CNTNAP4: variants seen among roughly 807,000 people sequenced by gnomAD.
CNTNAP4 encodes the protein contactin-associated protein-like 4.
In CNTNAP4, 98 loss-of-function variants were observed where a neutral mutation model predicts 148.4. The observed-to-expected ratio is 0.66, with a 90% confidence interval of 0.56 to 0.78. The LOEUF (loss-of-function observed/expected upper bound fraction) is 0.78, where lower values mean the gene tolerates loss of function less well. Ranked by LOEUF, CNTNAP4 falls within the 30% of genes least tolerant of loss-of-function variation. The pLI is 0.00. For missense variants in CNTNAP4, 1,935 were observed against 1,565.6 expected (o/e 1.24, Z -3.98); for synonymous variants, 730 against 565.1 (o/e 1.29, Z -4.14).
chr16:76,283,551 C>T (rs1318303870), intron 1 of CNTNAP4, among the ~76,000 whole-genome samples: 1 of 151,850 alleles, frequency 6.6e-6, no homozygotes, highest in East Asian at 1.9e-4. Flanking sequence ...GGCAAACTAA[C>T]AAGGGAACAG....
chr16:76,405,422 G>T (rs2078568936), intron 3 of CNTNAP4, among the ~76,000 whole-genome samples: 1 of 152,254 alleles, frequency 6.6e-6, no homozygotes, highest in South Asian at 2.1e-4. Context: ...CCATGCAATG[G>T]AAAATTCATG....
chr16:76,364,048 C>G (rs1156799758), intron 3 of CNTNAP4, among the ~76,000 whole-genome samples: 1 of 151,638 alleles, frequency 6.6e-6, no homozygotes, highest in Non-Finnish European at 1.5e-5. Context: ...ACCACCCTAG[C>G]CAGTATGGTA....
At chr16:76,328,679 C>T (rs954871587) in intron 2 of CNTNAP4, among the ~76,000 whole-genome samples, 6 of 151,556 alleles carry the variant, frequency 4.0e-5, no homozygotes, top group Non-Finnish European at 7.4e-5. Flanking sequence ...GAGGTTTGCT[C>T]TTGTTTCCCA....
At chr16:76,328,945 G>A (rs746439510) in intron 2 of CNTNAP4, among the ~76,000 whole-genome samples, 5 of 152,184 alleles carry the variant, frequency 3.3e-5, no homozygotes, top group Admixed American at 6.5e-5. Flanking sequence ...CACCTGTAAG[G>A]TATTAATAGG....
intron 14 of CNTNAP4, among the ~76,000 whole-genome samples, chr16:76,496,801 C>T (rs1387010394): frequency 6.6e-6 from 1 of 152,128 alleles, no homozygotes; most frequent in Non-Finnish European, 1.5e-5. Context: ...AAAAAGAGTA[C>T]ATTTTCATCT....
chr16:76,287,024 C>A (rs902816942), intron 1 of CNTNAP4, among the ~76,000 whole-genome samples: 1 of 152,140 alleles, frequency 6.6e-6, no homozygotes, highest in Non-Finnish European at 1.5e-5. Flanking sequence ...TTTAACATGA[C>A]AACTGTGTCA....
intron 3 of CNTNAP4, among the ~76,000 whole-genome samples, chr16:76,377,062 T>C (rs1329066190): frequency 2.0e-5 from 3 of 152,046 alleles, no homozygotes; most frequent in African/African-American, 7.3e-5. Flanking sequence ...CAGGGTAGGC[T>C]GGCAGGCTTA....
At chr16:76,370,969 GC>G (rs11343256) in intron 3 of CNTNAP4, among the ~76,000 whole-genome samples, 77,584 of 151,888 alleles carry the variant, frequency 0.51, 20,471 homozygotes, top group African/African-American at 0.62. Context: ...GGCAAAGCTA[GC>G]CAAGAACAGT....
At chr16:76,369,139 A>G (rs866678343) in intron 3 of CNTNAP4, among the ~76,000 whole-genome samples, 3 of 152,136 alleles carry the variant, frequency 2.0e-5, no homozygotes, top group Non-Finnish European at 4.4e-5. Context: ...ACCTCATTCA[A>G]AATAGAAATA....
chr16:76,340,236 G>A (rs1035716322), intron 2 of CNTNAP4, among the ~76,000 whole-genome samples: 5 of 152,030 alleles, frequency 3.3e-5, no homozygotes, highest in South Asian at 4.1e-4. Context: ...GGAAGGGAAG[G>A]CCATGAAGCA....
chr16:76,333,790 T>G (rs1199309031), intron 2 of CNTNAP4, among the ~76,000 whole-genome samples: 1 of 147,658 alleles, frequency 6.8e-6, no homozygotes, highest in Non-Finnish European at 1.5e-5. Flanking sequence ...TTTTTTTTTT[T>G]TTTTTTTTTT....
intron 1 of CNTNAP4, among the ~76,000 whole-genome samples, chr16:76,308,893 T>C (rs998377815): frequency 6.6e-6 from 1 of 151,988 alleles, no homozygotes; most frequent in Non-Finnish European, 1.5e-5. Context: ...GGTGCGATCA[T>C]AGCTCAGGGC....
At chr16:76,545,959 C>G (rs866108310) in intron 21 of CNTNAP4, among the ~76,000 whole-genome samples, 29 of 151,750 alleles carry the variant, frequency 1.9e-4, no homozygotes, top group Middle Eastern at 3.4e-3. Context: ...CGCTTGAACC[C>G]GAGAGGCGGA....
chr16:76,353,809 T>C (rs1431762927), intron 2 of CNTNAP4, among the ~76,000 whole-genome samples: 1 of 152,186 alleles, frequency 6.6e-6, no homozygotes, highest in Non-Finnish European at 1.5e-5. Flanking sequence ...AGTATCATTA[T>C]GCTGTGTTCC....
chr16:76,381,814 A>G (rs1382852740), intron 3 of CNTNAP4, among the ~76,000 whole-genome samples: 1 of 152,178 alleles, frequency 6.6e-6, no homozygotes, highest in Non-Finnish European at 1.5e-5. Flanking sequence ...TAATCCCAGG[A>G]CTTTGGGAGG....
rs543555952 is a variant in CNTNAP4 at position 76,468,926 on chromosome 16, C to G, written c.1655+1403C>G. Among the ~76,000 whole-genome samples the G allele has an allele frequency of 4.6e-5, 7 of 152,210 alleles. No homozygotes were observed. The South Asian group carries it at 1.5e-3, about 32-fold the overall frequency. On this transcript the variant is annotated intron_variant, in intron 10 of 23. Coordinates refer to ENST00000611870, the MANE Select transcript of CNTNAP4 (RefSeq NM_033401.5). ...TTAAACAATTTTTAAAACAGTGTGA[C>G]CAAATTAGCCTCTACCCTGTAGTAA... is the stretch of plus-strand genomic sequence containing the variant.
At chr16:76,350,062 G>A (rs958988713) in intron 2 of CNTNAP4, among the ~76,000 whole-genome samples, 2 of 151,970 alleles carry the variant, frequency 1.3e-5, no homozygotes, top group Admixed American at 6.6e-5. Context: ...ATATTTAGTA[G>A]ATGGGATATA....
chr16:76,516,666 G>A (rs917285849), intron 15 of CNTNAP4, among the ~76,000 whole-genome samples: 2 of 152,236 alleles, frequency 1.3e-5, no homozygotes, highest in Non-Finnish European at 2.9e-5. Flanking sequence ...CCTTCTGCAG[G>A]TAGATGGTTA....
At chr16:76,429,805 A>C (rs1438791918) in intron 4 of CNTNAP4, among the ~76,000 whole-genome samples, 1 of 152,142 alleles carries the variant, frequency 6.6e-6, no homozygotes, top group Non-Finnish European at 1.5e-5. Context: ...TGGGGTGAGC[A>C]TACTGTCCAT....
Sources: gnomAD v4.1 joint callset for allele counts (sites outside exome capture counted in the v4.1 genomes callset) on GRCh38, gnomAD v4.1.1 for gene constraint, MANE v1.5 for transcripts, NCBI Gene and HGNC (gene_info 2026-07-23, HGNC 2026-07-21) for gene names.